PCLO: variants seen among roughly 807,000 people sequenced by gnomAD.
PCLO encodes the protein protein piccolo.
In PCLO, 82 loss-of-function variants were observed where a neutral mutation model predicts 427.5. The observed-to-expected ratio is 0.19, with a 90% CI of 0.16 to 0.23. The LOEUF (loss-of-function observed/expected upper bound fraction) is 0.23, where lower values mean the gene tolerates loss of function less well. PCLO is among the 10% of genes least tolerant of loss of function. The probability of loss-of-function intolerance (pLI) is 1.00; values close to 1 mark genes in which losing one functional copy is unlikely to be tolerated. For missense variants in PCLO, 6,239 were observed against 6,115.9 expected (o/e 1.02, Z -0.67); for synonymous variants, 2,357 against 2,155.4 (o/e 1.09, Z -2.59).
chr7:82,997,648 G>A (rs1787661931), intron 3 of PCLO, among the ~76,000 whole-genome samples: 1 of 151,856 alleles, frequency 6.6e-6, no homozygotes, highest in South Asian at 2.1e-4. Flanking sequence ...TCACTTATAG[G>A]TCAGCCAGAT....
chr7:82,827,490 A>T (rs999133129), intron 17 of PCLO, among the ~76,000 whole-genome samples: 1 of 152,018 alleles, frequency 6.6e-6, no homozygotes, highest in African/African-American at 2.4e-5. Context: ...AGTTCTATGC[A>T]CTGAATCTTA....
intron 3 of PCLO, among the ~76,000 whole-genome samples, chr7:83,062,344 G>C (rs935165390): frequency 1.3e-5 from 2 of 152,090 alleles, no homozygotes; most frequent in African/African-American, 4.8e-5. Context: ...AACAGTCAAT[G>C]TTTCTCTAGA....
chr7:82,761,334 T>G, intron 23 of PCLO, 25 bp downstream of exon 23: 1 of 1,299,618 alleles, frequency 7.7e-7, no homozygotes, highest in Non-Finnish European at 1.1e-6. Flanking sequence ...CTAGATATAT[T>G]GATGATTATA....
rs760207303 is a variant in PCLO, at chr7:82,845,334, G to A, written c.13983C>T (p.Ser4661=). 12 of 1,613,486 alleles carry A rather than the reference G, an allele frequency of 7.4e-6. No individual in the cohort carries two copies. Among genetic ancestry groups the A allele is most frequent in the Admixed American group, 3.3e-5 (2 of 59,922 alleles). ...HSGPTSAGSS[S]VPSPGQPGSP... The stretch of plus-strand genomic sequence containing the variant: ...ACCCTGGTTGCCCAGGGCTGGGAAC[G>A]GAACTGGATCCTGCTGATGTAGGAC... The change falls in exon 13 of 25, where the codon TCC becomes TCT. Residue 4661 remains serine (S), a synonymous_variant. Coordinates refer to ENST00000333891, the MANE Select transcript of PCLO (RefSeq NM_033026.6).
chr7:82,998,161 C>CA (rs1429420327), intron 3 of PCLO, among the ~76,000 whole-genome samples: 1 of 151,880 alleles, frequency 6.6e-6, no homozygotes, highest in Non-Finnish European at 1.5e-5. Flanking sequence ...CTTTAATTGA[C>CA]AAATTGCTGG....
At chr7:83,110,370 C>T (rs1790972697) in intron 3 of PCLO, among the ~76,000 whole-genome samples, 1 of 151,786 alleles carries the variant, frequency 6.6e-6, no homozygotes, top group Admixed American at 6.6e-5. Context: ...ATTTTATCAC[C>T]ATATAGTTGA....
chr7:82,922,151 G>A (rs889382900), intron 6 of PCLO, among the ~76,000 whole-genome samples: 1 of 151,934 alleles, frequency 6.6e-6, no homozygotes, highest in African/African-American at 2.4e-5. Context: ...GTGTAAATTA[G>A]TTCAGCCACT....
chr7:82,848,149 T>A (rs1159290672), intron 10 of PCLO, among the ~76,000 whole-genome samples: 1 of 152,032 alleles, frequency 6.6e-6, no homozygotes, highest in Non-Finnish European at 1.5e-5. Flanking sequence ...GGGGTCCACG[T>A]GTGGCATGAT....
chr7:82,954,784 T>G lies in PCLO; in HGVS notation c.6169A>C (p.Lys2057Gln), dbSNP rs1795466212. 1.2e-6 allele frequency: 2 copies of G among 1,613,674 alleles called. No individual in the cohort carries two copies. Among genetic ancestry groups the G allele is most frequent in the Non-Finnish European group, 1.7e-6 (2 of 1,179,810 alleles). ...TMVTSTEEER[K>Q]LLDADAAYEE... The stretch of plus-strand genomic sequence containing the variant: ...TAGGCAGCATCAGCATCTAGTAGTT[T>G]CCTTTCTTCTTCTGTAGAAGTTACC... Residue 2057 changes from lysine to glutamine, a missense_variant, in exon 5 of 25, where the codon AAA becomes CAA. By Grantham distance (53) the Lys-to-Gln change is moderately conservative. This residue lies in a region of PCLO where 4,677 missense variants were observed against 4,468.4 expected (regional missense o/e 1.05). Coordinates refer to ENST00000333891, the MANE Select transcript of PCLO (RefSeq NM_033026.6).
At chr7:82,762,945 C>G (rs931057182) in intron 22 of PCLO, among the ~76,000 whole-genome samples, 5 of 151,902 alleles carry the variant, frequency 3.3e-5, no homozygotes, top group Non-Finnish European at 7.4e-5. Flanking sequence ...TACCTCACTT[C>G]TTTTTTCCTT....
chr7:82,910,405 C>T (rs1006894273), intron 7 of PCLO, among the ~76,000 whole-genome samples: 9 of 152,186 alleles, frequency 5.9e-5, no homozygotes, highest in South Asian at 4.1e-4. Flanking sequence ...GCATTTTCCT[C>T]CCAGAATACA....
chr7:83,105,529 T>C (rs7791742), intron 3 of PCLO, among the ~76,000 whole-genome samples: 69,365 of 148,406 alleles, frequency 0.47, 16,223 homozygotes, highest in East Asian at 0.71. Flanking sequence ...AATAAAATAC[T>C]AAGCATCTTT....
chr7:83,124,008 C>G (rs1479642285), intron 3 of PCLO, among the ~76,000 whole-genome samples: 1 of 140,720 alleles, frequency 7.1e-6, no homozygotes, highest in Non-Finnish European at 1.5e-5. Context: ...AGCATCTCTC[C>G]AAAGAAAACA....
In PCLO at chr7:82,952,912, C is replaced by T. The variant is rs767817843; in HGVS notation, c.8041G>A (p.Ala2681Thr). Residue 2681 changes from alanine (A) to threonine (T), a missense_variant, in exon 5 of 25, where the codon GCA becomes ACA. Coordinates refer to ENST00000333891, the MANE Select transcript of PCLO (RefSeq NM_033026.6). ...TTEVSKTEVS[A>T]TRSTAPSVGL... ...ACACTAGGAGCTGTACTTCTGGTTG[C>T]TGAAACCTCAGTCTTGGAAACTTCA... 3.1e-6 allele frequency: 5 copies of T among 1,613,792 alleles called. No individual in the cohort carries two copies. Among genetic ancestry groups the T allele is most frequent in the South Asian group, 1.1e-5 (1 of 91,084 alleles).
intron 3 of PCLO, among the ~76,000 whole-genome samples, chr7:83,026,702 G>A (rs1224356330): frequency 6.6e-6 from 1 of 151,956 alleles, no homozygotes; most frequent in Non-Finnish European, 1.5e-5. Flanking sequence ...CACATACTTG[G>A]AAGTAAAGCT....
intron 20 of PCLO, among the ~76,000 whole-genome samples, chr7:82,810,662 C>G (rs931743129): frequency 5.9e-5 from 9 of 151,704 alleles, no homozygotes; most frequent in African/African-American, 2.2e-4. Context: ...GACCATTTCA[C>G]TTTCTTTGGC....
intron 1 of PCLO, among the ~76,000 whole-genome samples, chr7:83,159,033 G>C (rs1016333169): frequency 6.6e-6 from 1 of 152,008 alleles, no homozygotes; most frequent in Non-Finnish European, 1.5e-5. Context: ...TGAACTCCTA[G>C]AGAGAAAGGA....
Position 82,916,516 on chromosome 7 carries a change from G to T in PCLO, c.11470C>A (p.Leu3824Ile), listed in dbSNP as rs769065214. 1 of 1,613,622 alleles carries T rather than the reference G, an allele frequency of 6.2e-7. No homozygotes were observed. The highest frequency in any genetic ancestry group is 8.5e-7 in the Non-Finnish European group (1 of 1,179,724). The change falls in exon 7 of 25, where the codon CTC (leucine) becomes ATC (isoleucine). Residue 3824 changes from leucine to isoleucine, a missense_variant. By Grantham distance (5) the Leu-to-Ile change is conservative (BLOSUM62 2). Transcript: ENST00000333891. The stretch of plus-strand genomic sequence containing the variant: ...TCACGATCCTCAGCTACTCCCTGGA[G>T]GTAGGCTCGTTCTCTCTTTTCTCTC... Reference protein sequence around the residue: ...KEREKRERAYLQGVAEDRDYM... With the variant: ...KEREKRERAYIQGVAEDRDYM...
chr7:82,896,694 T>C (rs1335653020), intron 9 of PCLO, among the ~76,000 whole-genome samples: 1 of 45,142 alleles, frequency 2.2e-5, no homozygotes, highest in East Asian at 1.5e-3. Context: ...TATAAAGAGC[T>C]ATCCACATAG....
Sources: allele counts gnomAD v4.1 joint callset (sites outside exome capture counted in the v4.1 genomes callset), GRCh38; gene constraint gnomAD v4.1.1; regional missense constraint gnomAD v4.1.1; transcripts MANE v1.5; gene names NCBI Gene and HGNC (gene_info 2026-07-23, HGNC 2026-07-21).